Variants in HTRA2 observed in about 807,000 individuals in gnomAD.
HTRA2 encodes serine protease HTRA2, mitochondrial.
Under a neutral mutation model 42.2 loss-of-function variants are expected in HTRA2, and 24 were observed. The ratio of observed to expected loss-of-function variants is 0.57; its 90% confidence interval spans 0.41 to 0.80. The LOEUF (loss-of-function observed/expected upper bound fraction) is 0.80, where lower values mean the gene tolerates loss of function less well. HTRA2 is among the 30% of genes least tolerant of loss of function. HTRA2 has a pLI of 0.00. For missense variants in HTRA2, 466 were observed against 613.5 expected (o/e 0.76, Z 2.54); for synonymous variants, 245 against 255.8 (o/e 0.96, Z 0.40).
Position 74,531,321 on chromosome 2 carries a change from T to C in HTRA2, c.907-18T>C. The C allele has an allele frequency of 6.2e-7, 1 of 1,613,792 alleles. No individual in the cohort carries two copies. The highest frequency in any genetic ancestry group is 1.7e-5 in the Admixed American group (1 of 60,022). ...TAGAATCCCCAGATCTCTTTCATGT[T>C]TTCTCCTTGTCCTACAGTTTGGAAA... On this transcript the variant is annotated intron_variant, in intron 3 of 7. Coordinates refer to ENST00000258080, the MANE Select transcript of HTRA2 (RefSeq NM_013247.5).
chr2:74,532,002 C>T, intron 6 of HTRA2, 77 bp downstream of exon 6: 1 of 1,321,788 alleles, frequency 7.6e-7, no homozygotes, highest in Non-Finnish European at 1.1e-6. Flanking sequence ...GCTTTGTTCT[C>T]ATTTCTGTCT....
rs751421902 is a variant in HTRA2 at position 74,530,326 on chromosome 2, T to C, written c.320T>C (p.Leu107Pro). The C allele has an allele frequency of 2.5e-6, 4 of 1,593,798 alleles. No individual in the cohort carries two copies. Among genetic ancestry groups the C allele is most frequent in the Non-Finnish European group, 3.4e-6 (4 of 1,168,374 alleles). ...TCTGGAACCCGTTCGCGCGCGTGGC[T>C]GGCGGTGGCGCTGGGCGCTGGGGGG... The part of the protein sequence containing the change: ...ENSGTRSRAW[L>P]AVALGAGGAV... The change falls in exon 1 of 8, where the codon CTG (leucine) becomes CCG (proline). Residue 107 changes from leucine (L) to proline (P), a missense_variant. By Grantham distance (98) the Leu-to-Pro change is moderately conservative (BLOSUM62 -3). Around this residue, in one of 3 missense-constraint regions of HTRA2, gnomAD observed 222 missense variants for 205.1 expected, o/e 1.08. Coordinates refer to ENST00000258080, the MANE Select transcript of HTRA2 (RefSeq NM_013247.5). This position sits in a 1 kb window ranked among gnomAD's most constrained non-coding sequence, Gnocchi z 7.4.
At position 74,532,855 on chromosome 2, in the gene HTRA2, T is replaced by C. The variant is rs199621962; in HGVS notation, c.1247T>C (p.Ile416Thr). ...CGGCCTGGTGATGTGATTTTGGCCA[T>C]TGGGGAGCAGATGGTACAAAATGCT... ...GLRPGDVILA[I>T]GEQMVQNAED... Residue 416 changes from isoleucine to threonine, a missense_variant, in exon 8 of 8, where the codon ATT (isoleucine) becomes ACT (threonine). Physicochemically the swap from Ile to Thr is moderately conservative, Grantham distance 89. This residue lies in a region of HTRA2 where 129 missense variants were observed against 163.1 expected (regional missense o/e 0.79). Coordinates refer to ENST00000258080, the MANE Select transcript of HTRA2 (RefSeq NM_013247.5). 24 of 1,614,058 alleles carry C rather than the reference T, an allele frequency of 1.5e-5. No homozygotes were observed. The highest frequency in any genetic ancestry group is 3.3e-5 in the South Asian group (3 of 91,084).
intron 3 of HTRA2, 96 bp from the exon 4 acceptor site, chr2:74,531,243 G>T: frequency 6.4e-7 from 1 of 1,557,824 alleles, no homozygotes; most frequent in South Asian, 1.1e-5. Context: ...TTCATGGGCT[G>T]AGAAAGAAGA....
Position 74,530,061 on chromosome 2 carries a change from G to A in HTRA2, c.55G>A (p.Ala19Thr). 6.3e-7 allele frequency: 1 copy of A among 1,588,780 alleles called. No homozygotes were observed. Among genetic ancestry groups the A allele is most frequent in the Non-Finnish European group, 8.6e-7 (1 of 1,162,024 alleles). The change falls in exon 1 of 8, where the codon GCT (alanine) becomes ACT (threonine). Residue 19 changes from alanine to threonine, a missense_variant. Ala to Thr is a moderately conservative substitution (Grantham distance 58, BLOSUM62 0). Around this residue, in one of 3 missense-constraint regions of HTRA2, gnomAD observed 222 missense variants for 205.1 expected, o/e 1.08. Transcript: ENST00000258080. This position sits in a 1 kb window ranked among gnomAD's most constrained non-coding sequence, Gnocchi z 7.4. ...AGGCTGGAGCCTTCGGGCATGGCGG[G>A]CTTTGGGGGGCATTCGCTGGGGGAG... The part of the protein sequence containing the change: ...GAGWSLRAWR[A>T]LGGIRWGRRP...
At chr2:74,533,414 T>C, downstream of HTRA2, 3 of 591,620 alleles carry the variant, frequency 5.1e-6, no homozygotes, top group East Asian at 5.8e-5. Flanking sequence ...AAGATTCCCA[T>C]GCTTGGCTAC....
rs867449891 is a variant in HTRA2 at position 74,532,938 on chromosome 2, G to A, written c.1330G>A (p.Gly444Arg). 2 of 1,613,932 alleles carry A rather than the reference G, an allele frequency of 1.2e-6. No individual in the cohort carries two copies. The highest frequency in any genetic ancestry group is 1.1e-5 in the South Asian group (1 of 91,052). The stretch of plus-strand genomic sequence containing the variant: ...CCAGTTGGCAGTGCAGATCCGGCGG[G>A]GACGAGAAACACTGACCTTATATGT... ...QSQLAVQIRR[G>R]RETLTLYVTP... Residue 444 changes from glycine to arginine, a missense_variant, in exon 8 of 8, where the codon GGA becomes AGA. Physicochemically the swap from Gly to Arg is moderately radical, Grantham distance 125. Transcript: ENST00000258080.
upstream of HTRA2, chr2:74,529,766 G>A (rs1445178141): frequency 1.3e-5 from 19 of 1,480,322 alleles, no homozygotes; most frequent in Admixed American, 4.8e-5. Context: ...GCGCCGGAAG[G>A]GCTAGCGGTC....
chr2:74,529,758 G>A, upstream of HTRA2: 1 of 1,491,130 alleles, frequency 6.7e-7, no homozygotes, highest in Non-Finnish European at 8.9e-7. Flanking sequence ...CCTGAGGCGC[G>A]CCGGAAGGGC....
chr2:74,532,586 G>A, intron 6 of HTRA2, 33 bp from the exon 7 acceptor site: 3 of 1,575,238 alleles, frequency 1.9e-6, no homozygotes, highest in South Asian at 1.1e-5. Context: ...GAATGCCTGG[G>A]TTTGGCTAAT....
chr2:74,530,216 A>G lies in HTRA2; in HGVS notation c.210A>G (p.Ala70=), dbSNP rs1471781625. The G allele has an allele frequency of 1.2e-6, 2 of 1,610,874 alleles. No homozygotes were observed. Among genetic ancestry groups the G allele is most frequent in the South Asian group, 2.2e-5 (2 of 90,734 alleles). ...CTGTTGGGGTCACTGAACCCCGAGC[A>G]TGCCTGACGTCTGGGACCCCGGGTC... The part of the protein sequence containing the change: ...RLSVGVTEPR[A]CLTSGTPGPR... Residue 70 remains alanine, a synonymous_variant, in exon 1 of 8, where the codon GCA becomes GCG. Coordinates refer to ENST00000258080, the MANE Select transcript of HTRA2 (RefSeq NM_013247.5). This position sits in a 1 kb window ranked among gnomAD's most constrained non-coding sequence, Gnocchi z 7.4.
In HTRA2 at chr2:74,530,307, A is replaced by G. The variant is rs1675491370; in HGVS notation, c.301A>G (p.Thr101Ala). The G allele has an allele frequency of 6.3e-7, 1 of 1,599,628 alleles. No individual in the cohort carries two copies. Among genetic ancestry groups the G allele is most frequent in the Non-Finnish European group, 8.5e-7 (1 of 1,171,556 alleles). ...CCGGGAGGCCTCAGAGAACTCTGGA[A>G]CCCGTTCGCGCGCGTGGCTGGCGGT... ...RTREASENSG[T>A]RSRAWLAVAL... Residue 101 changes from threonine to alanine, a missense_variant, in exon 1 of 8, where the codon ACC becomes GCC. Transcript: ENST00000258080. This position sits in a 1 kb window ranked among gnomAD's most constrained non-coding sequence, Gnocchi z 7.4.
chr2:74,529,662 G>A (rs1416953255), upstream of HTRA2: 9 of 1,544,634 alleles, frequency 5.8e-6, no homozygotes, highest in South Asian at 8.3e-5. Flanking sequence ...GGCCGTCGCC[G>A]CCGCCGCCAT....
chr2:74,532,062 C>T, intron 6 of HTRA2, 137 bp downstream of exon 6: 1 of 868,164 alleles, frequency 1.2e-6, no homozygotes, highest in South Asian at 1.4e-5. Context: ...AGAGCTGTCT[C>T]CCTTCATCAT....
chr2:74,529,693 G>A (rs377647662), upstream of HTRA2: 38 of 1,538,452 alleles, frequency 2.5e-5, no homozygotes, highest in Non-Finnish European at 3.2e-5. Flanking sequence ...GGCCGCAGGG[G>A]CTCTTGGGAA....
chr2:74,532,934 G>A lies in HTRA2; in HGVS notation c.1326G>A (p.Arg442=). The change falls in exon 8 of 8, where the codon CGG becomes CGA. Residue 442 remains arginine, a synonymous_variant. Coordinates refer to ENST00000258080, the MANE Select transcript of HTRA2 (RefSeq NM_013247.5). The part of the protein sequence containing the change: ...RTQSQLAVQI[R]RGRETLTLYV... ...AATCCCAGTTGGCAGTGCAGATCCG[G>A]CGGGGACGAGAAACACTGACCTTAT... is the stretch of plus-strand genomic sequence containing the variant. 6.2e-7 allele frequency: 1 copy of A among 1,614,032 alleles called. No homozygotes were observed. Among genetic ancestry groups the A allele is most frequent in the Non-Finnish European group, 8.5e-7 (1 of 1,180,008 alleles).
At chr2:74,532,344 T>C in intron 6 of HTRA2, 1 of 497,760 alleles carries the variant, frequency 2.0e-6, no homozygotes, top group Non-Finnish European at 3.7e-6. Flanking sequence ...ACTTAAGTTC[T>C]TTCCCCTTAA....
Position 74,531,117 on chromosome 2 carries a change from T to C in HTRA2, c.906+12T>C, listed in dbSNP as rs201505019. On this transcript the variant is annotated intron_variant, in intron 3 of 7. Transcript: ENST00000258080. Reference sequence around the variant, plus strand: ...ATGCAGCTATTGATGTGCGTCCTGATAGGAGAGAAATGACAAATGATGGGG... The same window carrying C: ...ATGCAGCTATTGATGTGCGTCCTGACAGGAGAGAAATGACAAATGATGGGG... 27 of 1,613,712 alleles carry C rather than the reference T, an allele frequency of 1.7e-5. No individual in the cohort carries two copies. The highest frequency in any genetic ancestry group is 7.7e-5 in the South Asian group (7 of 91,074).
chr2:74,529,734 AG>A (rs1675437214), upstream of HTRA2: 1 of 1,519,748 alleles, frequency 6.6e-7, no homozygotes, highest in African/African-American at 1.4e-5. Flanking sequence ...GCCCGGGGTG[AG>A]GGGACCCGAA....
Sources: allele counts gnomAD v4.1 joint callset, GRCh38; gene constraint gnomAD v4.1.1; regional missense constraint gnomAD v4.1.1; non-coding constraint Gnocchi (gnomAD v3.1); transcripts MANE v1.5; gene names NCBI Gene and HGNC (gene_info 2026-07-23, HGNC 2026-07-21).